C21orf91: variants seen among roughly 807,000 people sequenced by gnomAD.
C21orf91 encodes the protein protein EURL homolog.
In C21orf91, 26 loss-of-function variants were observed where a neutral mutation model predicts 32.9. The observed-to-expected ratio is 0.79, with a 90% CI of 0.58 to 1.10. The LOEUF is 1.10. Ranked by LOEUF, C21orf91 falls within the 50% of genes least tolerant of loss-of-function variation. C21orf91 has a pLI of 0.00. For synonymous variants in C21orf91, 126 were observed against 120.4 expected (o/e 1.05, Z -0.31); for missense variants, 310 against 341.3 (o/e 0.91, Z 0.72).
chr21:17,800,849 T>C (rs1433459953), intron 2 of C21orf91, among the ~76,000 whole-genome samples: 4 of 152,218 alleles, frequency 2.6e-5, no homozygotes, highest in Non-Finnish European at 4.4e-5. Flanking sequence ...AAGACCTTAA[T>C]TGGCAACCAA....
At position 17,796,701 on chromosome 21, in the gene C21orf91, A is replaced by G. The variant is rs774577595; in HGVS notation, c.545T>C (p.Leu182Ser). Reference protein sequence around the residue: ...LSMLQDSGATLCRNSVLWPHS... With the variant: ...LSMLQDSGATSCRNSVLWPHS... ...AGGCCACAATACACTGTTACGACAT[A>G]AAGTGGCACCTGAATCTTGTAACAT... Residue 182 changes from leucine to serine, a missense_variant, in exon 3 of 5, where the codon TTA becomes TCA. Transcript: ENST00000284881. 2.5e-6 allele frequency: 4 copies of G among 1,613,960 alleles called. No homozygotes were observed. Among genetic ancestry groups the G allele is most frequent in the Non-Finnish European group, 3.4e-6 (4 of 1,179,926 alleles).
intron 2 of C21orf91, among the ~76,000 whole-genome samples, chr21:17,812,976 T>C (rs998408508): frequency 1.3e-5 from 2 of 152,212 alleles, no homozygotes; most frequent in Admixed American, 6.5e-5. Context: ...CTGTGTTCTT[T>C]ATAAATTACC....
At chr21:17,801,069 A>C (rs1290212679) in intron 2 of C21orf91, among the ~76,000 whole-genome samples, 1 of 152,174 alleles carries the variant, frequency 6.6e-6, no homozygotes, top group Non-Finnish European at 1.5e-5. Flanking sequence ...CAAAGGATTA[A>C]AAATCATTCT....
chr21:17,804,517 C>T (rs190868828), intron 2 of C21orf91, among the ~76,000 whole-genome samples: 71 of 152,322 alleles, frequency 4.7e-4, no homozygotes, highest in Non-Finnish European at 7.5e-4. Flanking sequence ...TAAAAGGTAA[C>T]TGCTTATCTC....
chr21:17,818,425 G>C (rs1414078559), intron 1 of C21orf91, 100 bp from the exon 2 acceptor site: 3 of 954,970 alleles, frequency 3.1e-6, no homozygotes. Flanking sequence ...ATGCTGTTCA[G>C]CTCATTTAAA....
Position 17,818,193 on chromosome 21 carries a change from C to G in C21orf91, c.126G>C (p.Glu42Asp). 1.2e-6 allele frequency: 2 copies of G among 1,608,832 alleles called. No homozygotes were observed. The highest frequency in any genetic ancestry group is 1.7e-6 in the Non-Finnish European group (2 of 1,175,388). Residue 42 changes from glutamate (E) to aspartate (D), a missense_variant and splice_region_variant, in exon 2 of 5, where the codon GAG becomes GAC. By Grantham distance (45) the Glu-to-Asp change is conservative (BLOSUM62 2). Coordinates refer to ENST00000284881, the MANE Select transcript of C21orf91 (RefSeq NM_001100420.2). The part of the protein sequence containing the change: ...FCHICFELNI[E>D]GVPKSDLLHT... Reference sequence around the variant, plus strand: ...ATCAAAACTATACTGTGTCCTTACCCTCAATATTTAGCTCAAAACAAATGT... The same window carrying G: ...ATCAAAACTATACTGTGTCCTTACCGTCAATATTTAGCTCAAAACAAATGT...
intron 4 of C21orf91, among the ~76,000 whole-genome samples, chr21:17,794,445 AC>A: frequency 6.6e-6 from 1 of 152,280 alleles, no homozygotes; most frequent in Non-Finnish European, 1.5e-5. Flanking sequence ...GAAATCCTAA[AC>A]TATTTATGGA....
In C21orf91 at chr21:17,792,356, T is replaced by A. The variant is rs1053631843; in HGVS notation, c.*1059A>T. 3.3e-5 allele frequency: 5 copies of A among 152,134 alleles called. No individual in the cohort carries two copies. The highest frequency in any genetic ancestry group is 1.5e-5 in the Non-Finnish European group (1 of 68,006). The allele number at this position is 152,134 out of a possible 1,614,324, so 9.4% of individuals were successfully genotyped here. On this transcript the variant is annotated 3_prime_UTR_variant, in exon 5 of 5. Coordinates refer to ENST00000284881, the MANE Select transcript of C21orf91 (RefSeq NM_001100420.2). Reference sequence around the variant, plus strand: ...CTATATTTCTCTATAGAGTCTAAAGTTTAGAAAAATACCTCACAATGCTTT... The same window carrying A: ...CTATATTTCTCTATAGAGTCTAAAGATTAGAAAAATACCTCACAATGCTTT...
chr21:17,793,525 G>C lies in C21orf91; in HGVS notation c.784C>G (p.Leu262Val). ...TCGATGGCAACGTGGCGGACATGGA[G>C]CTGTGAGGCCAAAGAATCTTTTTCT... ...VQEKDSLASQ[L>V]HVRHVAIEQL... Residue 262 changes from leucine (L) to valine (V), a missense_variant, in exon 5 of 5, where the codon CTC becomes GTC. Leu to Val is a conservative substitution (Grantham distance 32). Coordinates refer to ENST00000284881, the MANE Select transcript of C21orf91 (RefSeq NM_001100420.2). 1 of 1,613,596 alleles carries C rather than the reference G, an allele frequency of 6.2e-7. No homozygotes were observed.
chr21:17,812,288 T>C (rs1001773544), intron 2 of C21orf91, among the ~76,000 whole-genome samples: 3 of 152,148 alleles, frequency 2.0e-5, no homozygotes, highest in Admixed American at 6.5e-5. Context: ...TCAAACTAAA[T>C]GATATTAAAA....
intron 2 of C21orf91, among the ~76,000 whole-genome samples, chr21:17,803,809 G>C (rs972525722): frequency 2.0e-5 from 3 of 152,142 alleles, no homozygotes; most frequent in African/African-American, 7.2e-5. Flanking sequence ...CTGATAAAAG[G>C]AATAAAGGAA....
rs551138373 is a variant in C21orf91 at position 17,802,403 on chromosome 21, C to T, written c.128-5285G>A. On this transcript the variant is annotated intron_variant, in intron 2 of 4. Transcript: ENST00000284881. ...CTCAAACTCCCCACCTCAGGTGACCCACCTGCCTCAGCCTAGCAAAGTGCT... is the reference window on the plus strand; with the variant it reads ...CTCAAACTCCCCACCTCAGGTGACCTACCTGCCTCAGCCTAGCAAAGTGCT... 5.3e-5 allele frequency among the ~76,000 whole-genome samples: 8 copies of T among 152,308 alleles called. No homozygotes were observed. In the East Asian group the frequency reaches 1.5e-3, roughly 29 times the overall value.
chr21:17,809,908 A>G (rs994008324), intron 2 of C21orf91, among the ~76,000 whole-genome samples: 1 of 152,206 alleles, frequency 6.6e-6, no homozygotes, highest in Non-Finnish European at 1.5e-5. Context: ...TTACTGTTGT[A>G]CAACTCAGAC....
chr21:17,806,779 G>A (rs1004494073), intron 2 of C21orf91, among the ~76,000 whole-genome samples: 1 of 152,142 alleles, frequency 6.6e-6, no homozygotes, highest in Non-Finnish European at 1.5e-5. Flanking sequence ...GGCAGAGGTT[G>A]CAGTGAGTCA....
chr21:17,804,747 T>A (rs1281429237), intron 2 of C21orf91, among the ~76,000 whole-genome samples: 1 of 152,220 alleles, frequency 6.6e-6, no homozygotes, highest in African/African-American at 2.4e-5. Context: ...CTTAATCTAA[T>A]AAATGAATTG....
At position 17,795,263 on chromosome 21, in the gene C21orf91, C is replaced by G; in HGVS notation, c.672G>C (p.Ser224=). Residue 224 remains serine, a synonymous_variant, in exon 4 of 5, where the codon TCG becomes TCC. Coordinates refer to ENST00000284881, the MANE Select transcript of C21orf91 (RefSeq NM_001100420.2). ...HPHYSREELN[S]MTLGEVEQLN... The stretch of plus-strand genomic sequence containing the variant: ...GTTGCTCTACCTCACCAAGAGTCAT[C>G]GAATTCACTGAAACATGAAAATGTA... The G allele has an allele frequency of 6.2e-7, 1 of 1,605,076 alleles. No individual in the cohort carries two copies. The highest frequency in any genetic ancestry group is 8.5e-7 in the Non-Finnish European group (1 of 1,172,138).
intron 2 of C21orf91, among the ~76,000 whole-genome samples, chr21:17,808,570 C>A (rs1333725060): frequency 6.6e-6 from 1 of 152,196 alleles, no homozygotes; most frequent in Non-Finnish European, 1.5e-5. Flanking sequence ...TTTCACTGTG[C>A]ACCTGGAAAA....
chr21:17,798,340 T>A (rs756606532), intron 2 of C21orf91, among the ~76,000 whole-genome samples: 3 of 152,306 alleles, frequency 2.0e-5, no homozygotes, highest in South Asian at 2.1e-4. Flanking sequence ...TTAATGTTTT[T>A]AAAAATATAT....
intron 2 of C21orf91, chr21:17,814,011 A>G (rs1291968226): frequency 1.3e-5 from 2 of 152,234 alleles, no homozygotes; most frequent in Non-Finnish European, 2.9e-5. Flanking sequence ...GCTTAAAAAA[A>G]AAAGGTTTTT....
Sources: gnomAD v4.1 joint callset for allele counts (sites outside exome capture counted in the v4.1 genomes callset) on GRCh38, gnomAD v4.1.1 for gene constraint, MANE v1.5 for transcripts, NCBI Gene and HGNC (gene_info 2026-07-23, HGNC 2026-07-21) for gene names.